The following CASD1 variants were observed in gnomAD, a reference collection of about 807,000 sequenced individuals.
CASD1 encodes the protein CAS1 domain sialic acid O acetyltransferase 1.
A neutral mutation model predicts 100.0 loss-of-function variants in CASD1; 41 were observed. The ratio of observed to expected loss-of-function variants is 0.41; its 90% CI spans 0.32 to 0.53. The LOEUF (loss-of-function observed/expected upper bound fraction) is 0.53. CASD1 is among the 20% of genes least tolerant of loss of function. The pLI is 0.25. For synonymous variants in CASD1, 321 were observed against 315.6 expected (o/e 1.02, Z -0.18); for missense variants, 774 against 948.7 (o/e 0.82, Z 2.42).
At chr7:94,511,075 C>T (rs1376774624) in intron 1 of CASD1, among the ~76,000 whole-genome samples, 1 of 152,224 alleles carries the variant, frequency 6.6e-6, no homozygotes, top group African/African-American at 2.4e-5. Context: ...ATATTTACTT[C>T]TCCTTGCTGA....
At chr7:94,593,064 A>G in the CASD1 span, among the ~76,000 whole-genome samples, 1 of 152,116 alleles carries the variant, frequency 6.6e-6, no homozygotes, top group Non-Finnish European at 1.5e-5. Context: ...ATTAAAACTT[A>G]ATTTTTATTT....
downstream of CASD1, among the ~76,000 whole-genome samples, chr7:94,561,450 T>G (rs1033187336): frequency 6.6e-6 from 1 of 152,162 alleles, no homozygotes; most frequent in African/African-American, 2.4e-5. Context: ...GGATGCTTTT[T>G]GGGAATTGCG....
chr7:94,624,216 A>G, the CASD1 span: 2 of 398,180 alleles, frequency 5.0e-6, no homozygotes, highest in Non-Finnish European at 4.4e-6. Context: ...TCCCAGCACT[A>G]ACCTTCTGGC....
chr7:94,509,913 G>A lies in CASD1; in HGVS notation c.-172G>A. ...CCGCGGCCGAGGAGGGGCAGGCGGA[G>A]GTCGGGGGCGCCGCGGCCGCGGGGT... On this transcript the variant is annotated 5_prime_UTR_variant, in exon 1 of 18. Transcript: ENST00000297273. 8.9e-7 allele frequency: 1 copy of A among 1,122,960 alleles called. No individual in the cohort carries two copies. The highest frequency in any genetic ancestry group is 1.1e-6 in the Non-Finnish European group (1 of 915,822). 69.6% of individuals were successfully genotyped at this position (1,122,960 alleles called of 1,614,324 possible).
At chr7:94,569,812 C>CT in the CASD1 span, among the ~76,000 whole-genome samples, 342 of 140,142 alleles carry the variant, frequency 2.4e-3, 1 homozygote, top group Middle Eastern at 0.013. Context: ...CAATCTCTGA[C>CT]TTTTTTTTTT....
chr7:94,548,303 T>C (rs921375353), intron 13 of CASD1, among the ~76,000 whole-genome samples: 2 of 151,814 alleles, frequency 1.3e-5, no homozygotes, highest in Non-Finnish European at 2.9e-5. Flanking sequence ...AATAAGAAAT[T>C]TTTAATTAGA....
the CASD1 span, among the ~76,000 whole-genome samples, chr7:94,604,279 A>G: frequency 6.6e-6 from 1 of 152,152 alleles, no homozygotes; most frequent in African/African-American, 2.4e-5. Context: ...GTTCCTTTTC[A>G]TAATGACAAT....
At chr7:94,605,481 A>G in the CASD1 span, among the ~76,000 whole-genome samples, 106 of 152,334 alleles carry the variant, frequency 7.0e-4, 1 homozygote, top group Admixed American at 2.8e-3. Flanking sequence ...ATATATGTTT[A>G]TATACACTTA....
rs1177477997 is a variant in CASD1 at position 94,537,902 on chromosome 7, T to G, written c.1266+8T>G. 1.4e-6 allele frequency: 2 copies of G among 1,386,762 alleles called. No homozygotes were observed. The highest frequency in any genetic ancestry group is 2.0e-6 in the Non-Finnish European group (2 of 985,908). The allele number at this position is 1,386,762 out of a possible 1,614,324, so 85.9% of individuals were successfully genotyped here. A position where few individuals can be genotyped will look rare whatever the true frequency, so the allele number is the denominator to read the frequency against. ...AATGAAAATACTAAAGAGGTAAGAGTCATTTTCTTTTTAACTCATGTTACC... is the reference window on the plus strand; with the variant it reads ...AATGAAAATACTAAAGAGGTAAGAGGCATTTTCTTTTTAACTCATGTTACC... On this transcript the variant is annotated splice_region_variant and intron_variant, in intron 9 of 17. Transcript: ENST00000297273.
the CASD1 span, among the ~76,000 whole-genome samples, chr7:94,590,304 C>A: frequency 6.6e-6 from 1 of 152,046 alleles, no homozygotes; most frequent in Admixed American, 6.6e-5. Context: ...AACCACCTTC[C>A]TATGCATCCT....
At chr7:94,620,078 T>C in the CASD1 span, 1 of 152,200 alleles carries the variant, frequency 6.6e-6, no homozygotes, top group Non-Finnish European at 1.5e-5. Flanking sequence ...ACTATGTATA[T>C]CCTCTCATTT....
At chr7:94,529,142 T>G (rs1040884317) in intron 5 of CASD1, among the ~76,000 whole-genome samples, 2 of 152,174 alleles carry the variant, frequency 1.3e-5, no homozygotes, top group African/African-American at 4.8e-5. Context: ...ACAGTGTGTT[T>G]TGGTTTTGTT....
chr7:94,577,887 T>A, the CASD1 span, among the ~76,000 whole-genome samples: 1 of 152,122 alleles, frequency 6.6e-6, no homozygotes, highest in Non-Finnish European at 1.5e-5. Context: ...AAATGACAAT[T>A]CTCTTCATTA....
the CASD1 span, among the ~76,000 whole-genome samples, chr7:94,602,249 G>A: frequency 6.6e-6 from 1 of 151,992 alleles, no homozygotes; most frequent in African/African-American, 2.4e-5. Flanking sequence ...TAATAATTGA[G>A]CAAATTTGCC....
chr7:94,609,037 A>G, the CASD1 span, among the ~76,000 whole-genome samples: 9 of 152,342 alleles, frequency 5.9e-5, no homozygotes, highest in East Asian at 1.3e-3. Flanking sequence ...CACCAAAGGC[A>G]CAATCCATGA....
rs1796172535 is a variant in CASD1, at chr7:94,555,749, A to G, written c.2385A>G (p.Ser795=). 1.2e-6 allele frequency: 2 copies of G among 1,610,930 alleles called. No homozygotes were observed. The highest frequency in any genetic ancestry group is 4.5e-5 in the East Asian group (2 of 44,806). Residue 795 remains serine (S), a synonymous_variant, in exon 18 of 18, where the codon TCA becomes TCG. Transcript: ENST00000297273. ...TCTTATCATCCATTCAAGATAAATC[A>G]AAACATTAGGTTCCAAAAATTCTAA... The part of the protein sequence containing the change: ...LLILSSIQDK[S]KH
chr7:94,541,740 G>A (rs1013495937), intron 10 of CASD1, among the ~76,000 whole-genome samples: 2 of 151,744 alleles, frequency 1.3e-5, no homozygotes, highest in Admixed American at 1.3e-4. Context: ...AGGTAATACA[G>A]CAAAATAATA....
At chr7:94,578,551 G>GC in the CASD1 span, among the ~76,000 whole-genome samples, 1 of 152,018 alleles carries the variant, frequency 6.6e-6, no homozygotes. Flanking sequence ...TTGGATAAGA[G>GC]CCCCCCACCC....
intron 10 of CASD1, among the ~76,000 whole-genome samples, chr7:94,542,834 C>T (rs1423281861): frequency 6.6e-6 from 1 of 152,120 alleles, no homozygotes; most frequent in African/African-American, 2.4e-5. Flanking sequence ...ACATTTCCTG[C>T]CTCCATCCTT....
Sources: gnomAD v4.1 joint callset for allele counts (sites outside exome capture counted in the v4.1 genomes callset) on GRCh38, gnomAD v4.1.1 for gene constraint, MANE v1.5 for transcripts, NCBI Gene and HGNC (gene_info 2026-07-23, HGNC 2026-07-21) for gene names.